Variants in ABCA12 observed in about 807,000 individuals in gnomAD.
ABCA12 encodes the protein ATP binding cassette subfamily A member 12.
Under a neutral mutation model 293.5 loss-of-function variants are expected in ABCA12, and 156 were observed. The observed-to-expected ratio is 0.53, with a 90% CI of 0.47 to 0.61. The LOEUF (loss-of-function observed/expected upper bound fraction) is 0.61. ABCA12 is among the 20% of genes least tolerant of loss of function. ABCA12 has a pLI of 0.00. For synonymous variants in ABCA12, 1,063 were observed against 1,108.0 expected (o/e 0.96, Z 0.81); for missense variants, 2,797 against 3,090.2 (o/e 0.91, Z 2.25).
intron 3 of ABCA12, among the ~76,000 whole-genome samples, chr2:215,058,978 A>G (rs774713107): frequency 1.3e-5 from 2 of 151,984 alleles, no homozygotes; most frequent in Admixed American, 1.3e-4. Context: ...TCTTTTTCCT[A>G]TGAGTAGGAA....
intron 2 of ABCA12, among the ~76,000 whole-genome samples, chr2:215,083,396 G>T (rs920214094): frequency 6.6e-6 from 1 of 152,164 alleles, no homozygotes; most frequent in African/African-American, 2.4e-5. Flanking sequence ...AGACATCAGG[G>T]TTCAGTACGA....
chr2:214,990,062 T>C (rs1699880239), intron 24 of ABCA12, among the ~76,000 whole-genome samples: 1 of 152,216 alleles, frequency 6.6e-6, no homozygotes, highest in Admixed American at 6.5e-5. Context: ...ATATTGATAA[T>C]TGCAACAAAT....
In ABCA12 at chr2:214,968,616, A is replaced by T. The variant is rs1022775846; in HGVS notation, c.5778+104T>A. On this transcript the variant is annotated intron_variant, in intron 38 of 52. Coordinates refer to ENST00000272895, the MANE Select transcript of ABCA12 (RefSeq NM_173076.3). ...GTGCCCTGGGTTATGCACAATGCCA[A>T]ATCGATTGTACCCATATTTTGTTTT... 2.3e-5 allele frequency: 26 copies of T among 1,124,964 alleles called. No homozygotes were observed. In the Admixed American group the frequency reaches 2.6e-4, roughly 11 times the overall value. The allele number at this position is 1,124,964 out of a possible 1,614,324, so 69.7% of individuals were successfully genotyped here. A position where few individuals can be genotyped will look rare whatever the true frequency, so the allele number is the denominator to read the frequency against.
In ABCA12 at chr2:215,052,491, T is replaced by C. The variant is rs780440452; in HGVS notation, c.503A>G (p.Glu168Gly). 5 of 1,612,126 alleles carry C rather than the reference T, an allele frequency of 3.1e-6. No homozygotes were observed. In the African/African-American group the frequency reaches 5.3e-5, roughly 17 times the overall value. Reference protein sequence around the residue: ...SQVLARILGLEKLLKQNSTSE... With the variant: ...SQVLARILGLGKLLKQNSTSE... ...TACAAAATTGAATCAAGTTACCTTT[T>C]CCAAGCCAAGAATTCGTGCGAGCAC... Residue 168 changes from glutamate (E) to glycine (G), a missense_variant, in exon 5 of 53, where the codon GAA (glutamate) becomes GGA (glycine). Transcript: ENST00000272895.
chr2:215,051,559 A>G (rs2106056563), intron 5 of ABCA12, among the ~76,000 whole-genome samples: 1 of 151,244 alleles, frequency 6.6e-6, no homozygotes, highest in East Asian at 2.0e-4. Context: ...TCATGATCAG[A>G]TAAAAGAAAT....
Position 215,011,642 on chromosome 2 carries a change from T to A in ABCA12, c.2129A>T (p.Tyr710Phe), listed in dbSNP as rs757740804. The stretch of plus-strand genomic sequence containing the variant: ...TGGTGTGTTCATTCGGTTGCTTCTG[T>A]ACATTGCCTGTGAGACAAAAATCCA... ...PRSVPLTQAM[Y>F]RSNRMNTPQG... Residue 710 changes from tyrosine to phenylalanine, a missense_variant, in exon 17 of 53, where the codon TAC (tyrosine) becomes TTC (phenylalanine). Coordinates refer to ENST00000272895, the MANE Select transcript of ABCA12 (RefSeq NM_173076.3). 6.2e-7 allele frequency: 1 copy of A among 1,614,044 alleles called. No individual in the cohort carries two copies. Among genetic ancestry groups the A allele is most frequent in the Admixed American group, 1.7e-5 (1 of 60,018 alleles).
chr2:214,955,328 A>G lies in ABCA12; in HGVS notation c.6267T>C (p.Ala2089=). 6.2e-7 allele frequency: 1 copy of G among 1,614,186 alleles called. No individual in the cohort carries two copies. Among genetic ancestry groups the G allele is most frequent in the Non-Finnish European group, 8.5e-7 (1 of 1,180,006 alleles). The change falls in exon 43 of 53, where the codon GCT becomes GCC. Residue 2089 remains alanine, a synonymous_variant. Transcript: ENST00000272895. Reference sequence around the variant, plus strand: ...CCATTCCTGTTTCATGGAAGAGCCCAGCCAGCAAGTACATCCAGGAAAATG... The same window carrying G: ...CCATTCCTGTTTCATGGAAGAGCCCGGCCAGCAAGTACATCCAGGAAAATG... The part of the protein sequence containing the change: ...YATFSWMYLL[A]GLFHETGMAF...
intron 49 of ABCA12, 113 bp downstream of exon 49, chr2:214,944,886 TAC>T (rs1292170536): frequency 3.5e-5 from 26 of 732,948 alleles, no homozygotes; most frequent in South Asian, 7.8e-5. Flanking sequence ...TATATATATA[TAC>T]ACACACATAT....
rs747384375 is a variant in ABCA12 at position 215,064,059 on chromosome 2, C to A, written c.317+7G>T. On this transcript the variant is annotated splice_region_variant and intron_variant, in intron 3 of 52. Coordinates refer to ENST00000272895, the MANE Select transcript of ABCA12 (RefSeq NM_173076.3). ...AACAATTGAACACACTTGAGAAGTG[C>A]CCCCACCTGTCTTTAAATAGTGCAT... is the stretch of plus-strand genomic sequence containing the variant. 5.6e-6 allele frequency: 9 copies of A among 1,612,326 alleles called. No homozygotes were observed. The South Asian group carries it at 9.9e-5, about 18-fold the overall frequency.
intron 42 of ABCA12, among the ~76,000 whole-genome samples, chr2:214,955,995 CT>C (rs1164545915): frequency 6.6e-6 from 1 of 152,204 alleles, no homozygotes; most frequent in East Asian, 1.9e-4. Context: ...AGTAATGACA[CT>C]GTTCAAGTCT....
At chr2:214,963,642 G>A (rs1175782582) in intron 39 of ABCA12, among the ~76,000 whole-genome samples, 1 of 144,366 alleles carries the variant, frequency 6.9e-6, no homozygotes, top group Non-Finnish European at 1.5e-5. Context: ...GGCTGTGGAT[G>A]ATGGCTCATG....
At chr2:215,104,242 T>A (rs1702417154) in intron 2 of ABCA12, among the ~76,000 whole-genome samples, 1 of 152,130 alleles carries the variant, frequency 6.6e-6, no homozygotes, top group Non-Finnish European at 1.5e-5. Context: ...GGAGAGAAAA[T>A]ACCCTTCCTT....
chr2:215,120,083 A>G (rs987276637), intron 1 of ABCA12, among the ~76,000 whole-genome samples: 14 of 152,240 alleles, frequency 9.2e-5, no homozygotes, highest in African/African-American at 2.9e-4. Flanking sequence ...TTACATAGCC[A>G]TGAAAAAGAA....
At chr2:214,958,223 C>T in intron 41 of ABCA12, 54 bp downstream of exon 41, 6 of 1,596,280 alleles carry the variant, frequency 3.8e-6, no homozygotes, top group East Asian at 2.2e-5. Context: ...AAACTGATGT[C>T]TTCTATCCAA....
intron 1 of ABCA12, among the ~76,000 whole-genome samples, chr2:215,113,864 A>G (rs1702628213): frequency 6.6e-6 from 1 of 152,214 alleles, no homozygotes; most frequent in Non-Finnish European, 1.5e-5. Context: ...GTTGTTGCAG[A>G]TATCTTAAAG....
intron 7 of ABCA12, among the ~76,000 whole-genome samples, chr2:215,040,227 G>C (rs1230929611): frequency 6.6e-6 from 1 of 152,106 alleles, no homozygotes; most frequent in Non-Finnish European, 1.5e-5. Context: ...AAAAAGAGTT[G>C]TTCTGACTAA....
chr2:215,001,005 A>G lies in ABCA12; in HGVS notation c.2879T>C (p.Leu960Pro). ...NELFGSVIFK[L>P]PSNRSWHRGY... ...TCTGTGCCAGCTTCTGTTAGAAGGA[A>G]GCTTAAAAATAACACCTAAAAATAA... Residue 960 changes from leucine (L) to proline (P), a missense_variant, in exon 22 of 53, where the codon CTT becomes CCT. Transcript: ENST00000272895. 6.2e-7 allele frequency: 1 copy of G among 1,614,014 alleles called. No homozygotes were observed. The highest frequency in any genetic ancestry group is 8.5e-7 in the Non-Finnish European group (1 of 1,179,920).
At chr2:215,118,102 C>CA (rs1702721880) in intron 1 of ABCA12, among the ~76,000 whole-genome samples, 1 of 152,012 alleles carries the variant, frequency 6.6e-6, no homozygotes, top group Non-Finnish European at 1.5e-5. Flanking sequence ...CTGGTTATGT[C>CA]AAAAATAAAT....
chr2:215,089,355 C>T (rs918843089), intron 2 of ABCA12, among the ~76,000 whole-genome samples: 10 of 151,970 alleles, frequency 6.6e-5, no homozygotes, highest in Non-Finnish European at 1.2e-4. Context: ...TACTAGGAAC[C>T]GCTACATTCA....
Sources: gnomAD v4.1 joint callset for allele counts (sites outside exome capture counted in the v4.1 genomes callset) on GRCh38, gnomAD v4.1.1 for gene constraint, MANE v1.5 for transcripts, NCBI Gene and HGNC (gene_info 2026-07-23, HGNC 2026-07-21) for gene names.